GLCCI1: variants seen among roughly 807,000 people sequenced by gnomAD.
The protein encoded by GLCCI1 is glucocorticoid-induced transcript 1 protein.
A neutral mutation model predicts 52.2 loss-of-function variants in GLCCI1; 24 were observed. The ratio of observed to expected loss-of-function variants is 0.46; its 90% CI spans 0.33 to 0.65. GLCCI1 has a LOEUF of 0.65. Among genes scored for constraint, GLCCI1 ranks in the 30% least tolerant of loss-of-function variants. The pLI is 0.02. For synonymous variants in GLCCI1, 310 were observed against 276.5 expected, an observed-to-expected ratio of 1.12 and a Z score of -1.20; for missense variants, 704 against 701.5, an observed-to-expected ratio of 1.00 and a Z score of -0.04.
At chr7:8,040,534 ACAC>A (rs1781975082) in intron 3 of GLCCI1, among the ~76,000 whole-genome samples, 1 of 149,272 alleles carries the variant, frequency 6.7e-6, no homozygotes, top group Non-Finnish European at 1.5e-5. Context: ...TAACACACAC[ACAC>A]ACACACACAC....
intron 6 of GLCCI1, among the ~76,000 whole-genome samples, chr7:8,079,293 A>T (rs55645667): frequency 0.27 from 40,080 of 149,864 alleles, 6,208 homozygotes; most frequent in East Asian, 0.42. Context: ...TTGTTTTTTT[A>T]AAAACTGATG....
At chr7:8,016,203 C>T (rs1404726526) in intron 2 of GLCCI1, among the ~76,000 whole-genome samples, 1 of 152,208 alleles carries the variant, frequency 6.6e-6, no homozygotes, top group East Asian at 1.9e-4. Flanking sequence ...GGCGCGGTGG[C>T]TTACGCCTGT....
At chr7:7,980,961 T>TA (rs1252811814) in intron 1 of GLCCI1, 21 of 581,732 alleles carry the variant, frequency 3.6e-5, no homozygotes, top group Non-Finnish European at 6.0e-5. Context: ...TAAAGAGTGG[T>TA]AGAGTTGACA....
At chr7:8,084,123 A>G (rs1199471861) in intron 6 of GLCCI1, among the ~76,000 whole-genome samples, 1 of 152,216 alleles carries the variant, frequency 6.6e-6, no homozygotes, top group Non-Finnish European at 1.5e-5. Flanking sequence ...ATAATGACAC[A>G]TTTTAGTGGA....
At chr7:8,079,277 T>A (rs57614899) in intron 6 of GLCCI1, among the ~76,000 whole-genome samples, 111,949 of 150,454 alleles carry the variant, frequency 0.74, 42,176 homozygotes, top group African/African-American at 0.86. Flanking sequence ...CAATATGTTC[T>A]GTTTTTTGTT....
At chr7:8,085,672 G>C (rs1171532118) in intron 7 of GLCCI1, among the ~76,000 whole-genome samples, 1 of 152,080 alleles carries the variant, frequency 6.6e-6, no homozygotes, top group African/African-American at 2.4e-5. Context: ...GGGAACGGGA[G>C]GAGAGGAAGG....
intron 1 of GLCCI1, among the ~76,000 whole-genome samples, chr7:7,970,772 C>T (rs1339367133): frequency 6.6e-6 from 1 of 152,066 alleles, no homozygotes; most frequent in Admixed American, 6.5e-5. Context: ...GGACTTAAAG[C>T]TCATAAGGGA....
At chr7:7,979,364 A>G (rs1169685834) in intron 1 of GLCCI1, among the ~76,000 whole-genome samples, 5 of 152,084 alleles carry the variant, frequency 3.3e-5, no homozygotes, top group African/African-American at 1.2e-4. Context: ...CAGATTTTAA[A>G]TGAGTTATCC....
At chr7:8,048,885 G>C (rs1782194707) in intron 3 of GLCCI1, among the ~76,000 whole-genome samples, 1 of 152,146 alleles carries the variant, frequency 6.6e-6, no homozygotes, top group Non-Finnish European at 1.5e-5. Context: ...CACTGAGCTT[G>C]GGTAATCCAC....
chr7:7,998,246 C>G (rs965779352), intron 1 of GLCCI1, among the ~76,000 whole-genome samples: 2 of 150,140 alleles, frequency 1.3e-5, no homozygotes, highest in Non-Finnish European at 3.0e-5. Context: ...GACGGAGTCT[C>G]GCTCTTGTCA....
intron 6 of GLCCI1, among the ~76,000 whole-genome samples, chr7:8,074,623 T>C (rs1216299190): frequency 1.3e-5 from 2 of 152,042 alleles, no homozygotes; most frequent in Non-Finnish European, 2.9e-5. Flanking sequence ...AGGTGGAGGT[T>C]GCAGCAAGCC....
At chr7:8,074,227 TAATACACTATTATA>T (rs201296695) in intron 6 of GLCCI1, among the ~76,000 whole-genome samples, 9,805 of 151,330 alleles carry the variant, frequency 0.065, 392 homozygotes, top group East Asian at 0.17. Context: ...TGTAAACAAA[TAATACACTATTATA>T]AATACACTAT....
chr7:8,069,633 A>T (rs576028089), intron 5 of GLCCI1, among the ~76,000 whole-genome samples: 1 of 152,102 alleles, frequency 6.6e-6, no homozygotes, highest in East Asian at 1.9e-4. Context: ...CTAGCAGTGC[A>T]AGTAAAGCCC....
rs1181956835 is a variant in GLCCI1, at chr7:8,088,236, ATGTTTGTGTG to A, written c.*1702_*1711del. On this transcript the variant is annotated 3_prime_UTR_variant, in exon 8 of 8. Transcript: ENST00000223145. ...TTTAAGAAATGATATATATATGTAT[ATGTTTGTGTG>A]TGTGTGTGTGTGTGTGTGTGTGTGT... 1.8e-4 allele frequency: 16 copies of A among 89,324 alleles called. No homozygotes were observed. The highest frequency in any genetic ancestry group is 1.5e-3 in the Admixed American group (13 of 8,600). The allele number at this position is 89,324 out of a possible 1,614,324, so 5.5% of individuals were successfully genotyped here.
At chr7:8,048,564 G>T (rs144973910) in intron 3 of GLCCI1, among the ~76,000 whole-genome samples, 1 of 152,054 alleles carries the variant, frequency 6.6e-6, no homozygotes, top group Non-Finnish European at 1.5e-5. Context: ...ACATACATGA[G>T]TCTTTCCAAG....
chr7:8,032,800 A>G (rs780460007), intron 3 of GLCCI1, among the ~76,000 whole-genome samples: 1 of 151,972 alleles, frequency 6.6e-6, no homozygotes, highest in Non-Finnish European at 1.5e-5. Context: ...CCGGGGTCAC[A>G]TTTGATGAAT....
At chr7:7,980,852 T>A (rs751147260) in intron 1 of GLCCI1, 6 of 661,052 alleles carry the variant, frequency 9.1e-6, no homozygotes, top group Non-Finnish European at 1.7e-5. Flanking sequence ...CATATCAGGA[T>A]ATCAGGATAA....
intron 3 of GLCCI1, among the ~76,000 whole-genome samples, chr7:8,025,183 C>T (rs1781587793): frequency 6.6e-6 from 1 of 152,072 alleles, no homozygotes; most frequent in African/African-American, 2.4e-5. Context: ...AGAGTGGGCT[C>T]AGGCCACCGA....
chr7:7,971,341 A>G (rs962833741), intron 1 of GLCCI1, among the ~76,000 whole-genome samples: 1 of 152,258 alleles, frequency 6.6e-6, no homozygotes, highest in Non-Finnish European at 1.5e-5. Flanking sequence ...ATTTTCTAAC[A>G]GATTAATGCC....
Sources: allele counts gnomAD v4.1 joint callset (sites outside exome capture counted in the v4.1 genomes callset), GRCh38; gene constraint gnomAD v4.1.1; transcripts MANE v1.5; gene names NCBI Gene and HGNC (gene_info 2026-07-23, HGNC 2026-07-21).